TTR: variants seen among roughly 807,000 people sequenced by gnomAD.
TTR encodes the protein transthyretin, also known as epididymis luminal protein 111.
A neutral mutation model predicts 13.7 loss-of-function variants in TTR; 8 were observed. The observed-to-expected ratio is 0.58, with a 90% CI of 0.34 to 1.05. TTR has a LOEUF of 1.05. Ranked by LOEUF, TTR falls within the 50% of genes least tolerant of loss-of-function variation. The probability of loss-of-function intolerance (pLI) is 0.02; values close to 1 mark genes in which losing one functional copy is unlikely to be tolerated. For synonymous variants in TTR, 75 were observed against 71.7 expected, an observed-to-expected ratio of 1.05 and a Z score of -0.23; for missense variants, 135 against 185.5, an observed-to-expected ratio of 0.73 and a Z score of 1.58.
rs933476040 is a variant in TTR at position 31,595,130 on chromosome 18, G to A, written c.211G>A (p.Glu71Lys). ...TTTCACACCTTATAGGAAAACCAGTGAGTCTGGAGAGCTGCATGGGCTCAC... is the reference window on the plus strand; with the variant it reads ...TTTCACACCTTATAGGAAAACCAGTAAGTCTGGAGAGCTGCATGGGCTCAC... Reference protein sequence around the residue: ...WEPFASGKTSESGELHGLTTE... With the variant: ...WEPFASGKTSKSGELHGLTTE... Residue 71 changes from glutamate (E) to lysine (K), a missense_variant, in exon 3 of 4, where the codon GAG (glutamate) becomes AAG (lysine). Physicochemically the swap from Glu to Lys is moderately conservative, Grantham distance 56. Transcript: ENST00000237014. 6.2e-7 allele frequency: 1 copy of A among 1,614,134 alleles called. No homozygotes were observed. Among genetic ancestry groups the A allele is most frequent in the Non-Finnish European group, 8.5e-7 (1 of 1,180,010 alleles).
chr18:31,595,413 A>G, intron 3 of TTR, 158 bp downstream of exon 3: 2 of 1,024,912 alleles, frequency 2.0e-6, no homozygotes, highest in South Asian at 1.4e-5. Context: ...AAAATTCACA[A>G]CACTCTGAGA....
At chr18:31,598,311 C>T (rs1386377436) in intron 3 of TTR, among the ~76,000 whole-genome samples, 1 of 152,122 alleles carries the variant, frequency 6.6e-6, no homozygotes, top group Non-Finnish European at 1.5e-5. Context: ...CTTAGTCAAG[C>T]TAGGGTCATC....
At chr18:31,592,810 C>T (rs945529882) in intron 1 of TTR, 86 bp from the exon 2 acceptor site, 61 of 1,570,222 alleles carry the variant, frequency 3.9e-5, no homozygotes, top group Admixed American at 1.5e-4. Flanking sequence ...ATTCTTGTTT[C>T]GCTCCAGATT....
chr18:31,596,037 GA>G (rs2073515029), intron 3 of TTR: 1 of 157,682 alleles, frequency 6.3e-6, no homozygotes, highest in Admixed American at 6.3e-5. Flanking sequence ...CTTAAAAAAA[GA>G]AAAGCCACAT....
rs11541798 is a variant in TTR, at chr18:31,598,665, C to A, written c.434C>A (p.Pro145His). Reference protein sequence around the residue: ...SYSTTAVVTNPKE With the variant: ...SYSTTAVVTNHKE ...TCCACCACGGCTGTCGTCACCAATC[C>A]CAAGGAATGAGGGACTTCTCCTCCA... The change falls in exon 4 of 4, where the codon CCC (proline) becomes CAC (histidine). Residue 145 changes from proline (P) to histidine (H), a missense_variant. Coordinates refer to ENST00000237014, the MANE Select transcript of TTR (RefSeq NM_000371.4). The A allele has an allele frequency of 6.2e-7, 1 of 1,614,038 alleles. No individual in the cohort carries two copies. Among genetic ancestry groups the A allele is most frequent in the African/African-American group, 1.3e-5 (1 of 74,922 alleles).
intron 2 of TTR, among the ~76,000 whole-genome samples, chr18:31,594,879 A>T (rs1408230410): frequency 3.3e-5 from 5 of 152,044 alleles, no homozygotes; most frequent in South Asian, 2.1e-4. Context: ...AAAAAAAATT[A>T]TACCTACATT....
intron 1 of TTR, 147 bp from the exon 2 acceptor site, chr18:31,592,749 A>G: frequency 5.0e-6 from 5 of 1,007,796 alleles, no homozygotes; most frequent in Non-Finnish European, 7.4e-6. Context: ...CTGAGTAGGG[A>G]AGCTCATTAA....
chr18:31,593,216 C>T, intron 2 of TTR, 190 bp downstream of exon 2: 1 of 689,514 alleles, frequency 1.5e-6, no homozygotes, highest in Non-Finnish European at 2.3e-6. Flanking sequence ...GACCAGGAAC[C>T]TGAGCATCAT....
chr18:31,597,506 A>G (rs947077885), intron 3 of TTR, among the ~76,000 whole-genome samples: 1 of 152,096 alleles, frequency 6.6e-6, no homozygotes, highest in Non-Finnish European at 1.5e-5. Flanking sequence ...TTCTTAGGTG[A>G]TTCTCACTTC....
chr18:31,594,985 C>G, intron 2 of TTR, 135 bp from the exon 3 acceptor site: 1 of 1,038,744 alleles, frequency 9.6e-7, no homozygotes, highest in South Asian at 1.4e-5. Flanking sequence ...TTCCCTACTT[C>G]TGACTTAGTT....
At chr18:31,593,251 A>T in intron 2 of TTR, 2 of 517,636 alleles carry the variant, frequency 3.9e-6, no homozygotes, top group Non-Finnish European at 6.8e-6. Flanking sequence ...TAGAGAAAAG[A>T]AGGAATCAGA....
At chr18:31,598,094 G>A (rs978930753) in intron 3 of TTR, 15 of 283,732 alleles carry the variant, frequency 5.3e-5, no homozygotes, top group Non-Finnish European at 1.0e-4. Context: ...AATGTAGACT[G>A]GGACAATACA....
intron 3 of TTR, chr18:31,598,105 A>T (rs2073525838): frequency 6.5e-6 from 2 of 308,122 alleles, no homozygotes; most frequent in Non-Finnish European, 1.3e-5. Flanking sequence ...GGACAATACA[A>T]TAATTCAAGT....
rs144782849 is a variant in TTR at position 31,597,459 on chromosome 18, G to A, written c.337-1109G>A. On this transcript the variant is annotated intron_variant, in intron 3 of 3. Coordinates refer to ENST00000237014, the MANE Select transcript of TTR (RefSeq NM_000371.4). ...GACATTTTTATTAGTTGATTCTAGG[G>A]AATTGGCCTTAAGGGGAGCCCTTTC... Among the ~76,000 whole-genome samples, 5 of 152,270 alleles carry A rather than the reference G, an allele frequency of 3.3e-5. No homozygotes were observed. The East Asian group carries it at 9.7e-4, about 29-fold the overall frequency.
At chr18:31,598,334 G>A (rs745961348) in intron 3 of TTR, 14 of 638,672 alleles carry the variant, frequency 2.2e-5, no homozygotes, top group Non-Finnish European at 2.0e-5. Flanking sequence ...GACTTTCGGC[G>A]TGAATTTGCA....
chr18:31,598,042 C>T lies in TTR; in HGVS notation c.337-526C>T, dbSNP rs186852707. On this transcript the variant is annotated intron_variant, in intron 3 of 3. Coordinates refer to ENST00000237014, the MANE Select transcript of TTR (RefSeq NM_000371.4). ...ATAGGAGGGTGGGGGAATCTCTGGGCTTGGAGACAGGAGACTTGCCTTCCT... is the reference window on the plus strand; with the variant it reads ...ATAGGAGGGTGGGGGAATCTCTGGGTTTGGAGACAGGAGACTTGCCTTCCT... The T allele has an allele frequency of 1.0e-4, 22 of 211,940 alleles. No individual in the cohort carries two copies. In the East Asian group the frequency reaches 1.9e-3, roughly 19 times the overall value. The allele number at this position is 211,940 out of a possible 1,614,324, so 13.1% of individuals were successfully genotyped here. A position where few individuals can be genotyped will look rare whatever the true frequency, so the allele number is the denominator to read the frequency against.
chr18:31,597,654 C>T (rs1426580032), intron 3 of TTR, among the ~76,000 whole-genome samples: 2 of 152,066 alleles, frequency 1.3e-5, no homozygotes, highest in East Asian at 3.9e-4. Context: ...AAACCTCAAC[C>T]CAAGGCCTGT....
At chr18:31,595,705 C>T in intron 3 of TTR, 1 of 338,662 alleles carries the variant, frequency 3.0e-6, no homozygotes, top group Non-Finnish European at 5.8e-6. Flanking sequence ...CCTATAGAGA[C>T]AATAAAATCA....
chr18:31,593,043 C>A lies in TTR; in HGVS notation c.200+17C>A, dbSNP rs767333203. On this transcript the variant is annotated intron_variant, in intron 2 of 3. Coordinates refer to ENST00000237014, the MANE Select transcript of TTR (RefSeq NM_000371.4). ...TGCCTCTGGGTAAGTTGCCAAAGAA[C>A]CCTCCCACAGGACTTGGTTTTATCT... 6.2e-7 allele frequency: 1 copy of A among 1,613,440 alleles called. No individual in the cohort carries two copies. The highest frequency in any genetic ancestry group is 1.1e-5 in the South Asian group (1 of 91,050).
Sources: allele counts gnomAD v4.1 joint callset (sites outside exome capture counted in the v4.1 genomes callset), GRCh38; gene constraint gnomAD v4.1.1; transcripts MANE v1.5; gene names NCBI Gene and HGNC (gene_info 2026-07-23, HGNC 2026-07-21).